Variants in INPP4B observed in about 807,000 individuals in gnomAD.
The protein encoded by INPP4B is inositol polyphosphate-4-phosphatase type II B, also known as inositol polyphosphate 4-phosphatase type II.
A neutral mutation model predicts 122.5 loss-of-function variants in INPP4B; 55 were observed. That is an observed-to-expected ratio of 0.45 (90% CI 0.36 to 0.56). INPP4B has a LOEUF of 0.56. Ranked by LOEUF, INPP4B falls within the 20% of genes least tolerant of loss-of-function variation. The pLI is 0.00. For missense variants in INPP4B, 1,000 were observed against 1,097.7 expected (o/e 0.91, Z 1.26); for synonymous variants, 403 against 388.7 (o/e 1.04, Z -0.43).
chr4:142,657,678 T>C (rs916809451), intron 2 of INPP4B, among the ~76,000 whole-genome samples: 1 of 152,208 alleles, frequency 6.6e-6, no homozygotes, highest in Non-Finnish European at 1.5e-5. Flanking sequence ...GTGAAAGAAC[T>C]GTGGAAATTA....
chr4:142,426,861 A>T (rs750849266), intron 5 of INPP4B: 1 of 152,006 alleles, frequency 6.6e-6, no homozygotes, highest in African/African-American at 2.4e-5. Context: ...ACTTTGGTTA[A>T]GAGTAGAGAA....
chr4:142,523,615 C>T (rs935715562), intron 2 of INPP4B, among the ~76,000 whole-genome samples: 1 of 152,056 alleles, frequency 6.6e-6, no homozygotes, highest in African/African-American at 2.4e-5. Flanking sequence ...TTGCTCTCCT[C>T]CTGCTTTTAG....
chr4:142,254,590 A>G (rs1235529653), intron 11 of INPP4B, among the ~76,000 whole-genome samples: 1 of 152,224 alleles, frequency 6.6e-6, no homozygotes, highest in East Asian at 1.9e-4. Flanking sequence ...GATCAACTGG[A>G]AGAAAGGGTA....
intron 1 of INPP4B, among the ~76,000 whole-genome samples, chr4:142,815,441 T>C (rs913975133): frequency 8.5e-5 from 13 of 152,186 alleles, no homozygotes; most frequent in Non-Finnish European, 1.6e-4. Flanking sequence ...TCCTTAATGT[T>C]TTTGTAAATC....
At chr4:142,034,507 T>C (rs1006676083) in intron 25 of INPP4B, among the ~76,000 whole-genome samples, 16 of 152,024 alleles carry the variant, frequency 1.1e-4, no homozygotes, top group African/African-American at 3.6e-4. Context: ...AGGAATTCTA[T>C]TACTCACGCA....
intron 14 of INPP4B, among the ~76,000 whole-genome samples, 168 bp from the exon 15 acceptor site, chr4:142,193,363 A>G (rs1304059897): frequency 2.0e-5 from 3 of 152,156 alleles, no homozygotes; most frequent in Non-Finnish European, 4.4e-5. Flanking sequence ...GCTAATAATC[A>G]ATCTTTCTAA....
chr4:142,569,912 T>A (rs1387412073), intron 2 of INPP4B, among the ~76,000 whole-genome samples: 2 of 152,092 alleles, frequency 1.3e-5, no homozygotes, highest in African/African-American at 4.8e-5. Context: ...GTGTACAAAA[T>A]ACATAGGTAA....
At chr4:142,266,861 T>G (rs1482370801) in intron 10 of INPP4B, among the ~76,000 whole-genome samples, 1 of 152,088 alleles carries the variant, frequency 6.6e-6, no homozygotes, top group Non-Finnish European at 1.5e-5. Context: ...AACTGATAAA[T>G]TCAGTAAAGT....
At chr4:142,808,516 C>G (rs1779126250) in intron 1 of INPP4B, among the ~76,000 whole-genome samples, 1 of 152,062 alleles carries the variant, frequency 6.6e-6, no homozygotes, top group African/African-American at 2.4e-5. Context: ...CCATCTTTTT[C>G]CAGGGCAACA....
At position 142,774,991 on chromosome 4, in the gene INPP4B, T is replaced by C. The variant is rs1773638685; in HGVS notation, c.-253-49090A>G. 2.6e-5 allele frequency among the ~76,000 whole-genome samples: 4 copies of C among 152,108 alleles called. No individual in the cohort carries two copies. The South Asian group carries it at 8.3e-4, about 31-fold the overall frequency. The stretch of plus-strand genomic sequence containing the variant: ...ACAGTTTCTCAGGGTTCCTTGTCTT[T>C]TATGACCTTGATACTTTTGAGGAAT... On this transcript the variant is annotated intron_variant, in intron 1 of 25. Coordinates refer to ENST00000262992, the MANE Select transcript of INPP4B (RefSeq NM_001101669.3).
intron 1 of INPP4B, among the ~76,000 whole-genome samples, chr4:142,821,518 C>A (rs941884117): frequency 2.6e-5 from 4 of 152,100 alleles, no homozygotes; most frequent in Non-Finnish European, 5.9e-5. Flanking sequence ...TTAATATTAA[C>A]ATGATATTAG....
In INPP4B at chr4:142,747,035, A is replaced by G. The variant is rs544548282; in HGVS notation, c.-253-21134T>C. Among the ~76,000 whole-genome samples, 24 of 152,314 alleles carry G rather than the reference A, an allele frequency of 1.6e-4. No homozygotes were observed. In the South Asian group the frequency reaches 4.6e-3, roughly 29 times the overall value. On this transcript the variant is annotated intron_variant, in intron 1 of 25. Coordinates refer to ENST00000262992, the MANE Select transcript of INPP4B (RefSeq NM_001101669.3). ...AAATTGAAAAATGGGATCTAATTAA[A>G]CTAAAGAGCTTCTGCACAGTGAAAG... is the stretch of plus-strand genomic sequence containing the variant.
At chr4:142,807,585 G>A (rs1779016373) in intron 1 of INPP4B, among the ~76,000 whole-genome samples, 1 of 152,094 alleles carries the variant, frequency 6.6e-6, no homozygotes, top group South Asian at 2.1e-4. Flanking sequence ...CTGTTCACCT[G>A]GTTAGCAATG....
At chr4:142,159,262 A>AG (rs1818820407) in intron 17 of INPP4B, among the ~76,000 whole-genome samples, 1 of 80 alleles carries the variant, frequency 0.013, no homozygotes. Flanking sequence ...TGGAACTGTG[A>AG]AAAAAAAAAA....
intron 2 of INPP4B, among the ~76,000 whole-genome samples, chr4:142,545,688 CATATATATGTGTAT>C (rs775723359): frequency 7.5e-4 from 99 of 132,370 alleles, no homozygotes; most frequent in African/African-American, 2.6e-3. Context: ...TTAATACACA[CATATATATGTGTAT>C]ATATATGTGT....
At chr4:142,508,831 G>A (rs1343165611) in intron 2 of INPP4B, among the ~76,000 whole-genome samples, 1 of 152,162 alleles carries the variant, frequency 6.6e-6, no homozygotes, top group African/African-American at 2.4e-5. Flanking sequence ...TTGGCACCTA[G>A]TGGGTAAAGT....
intron 9 of INPP4B, among the ~76,000 whole-genome samples, chr4:142,288,290 T>A (rs1754769322): frequency 6.6e-6 from 1 of 152,220 alleles, no homozygotes; most frequent in East Asian, 1.9e-4. Context: ...TATCTTAAAA[T>A]GGCTGATTAC....
chr4:142,586,725 T>C (rs1177218294), intron 2 of INPP4B, among the ~76,000 whole-genome samples: 1 of 152,136 alleles, frequency 6.6e-6, no homozygotes, highest in Non-Finnish European at 1.5e-5. Flanking sequence ...AGAAAGTATA[T>C]AGAAGAGGCA....
chr4:142,225,457 C>T (rs999703785), intron 12 of INPP4B, among the ~76,000 whole-genome samples: 2 of 151,370 alleles, frequency 1.3e-5, no homozygotes, highest in African/African-American at 4.8e-5. Flanking sequence ...AATAAACTCC[C>T]TTTCATATAT....
Sources: gnomAD v4.1 joint callset for allele counts (sites outside exome capture counted in the v4.1 genomes callset) on GRCh38, gnomAD v4.1.1 for gene constraint, MANE v1.5 for transcripts, NCBI Gene and HGNC (gene_info 2026-07-23, HGNC 2026-07-21) for gene names.